Variants in GALNT13 observed in about 807,000 individuals in gnomAD.
The protein encoded by GALNT13 is UDP-GalNAc:polypeptide N-acetylgalactosaminyltransferase 13.
GALNT13 carries 28 observed loss-of-function variants against 64.2 expected under a neutral mutation model. The ratio of observed to expected loss-of-function variants is 0.44; its 90% confidence interval spans 0.32 to 0.60. GALNT13 has a LOEUF of 0.60. GALNT13 is among the 20% of genes least tolerant of loss of function. GALNT13 has a pLI of 0.05. For missense variants in GALNT13, 577 were observed against 669.8 expected (o/e 0.86, Z 1.53); for synonymous variants, 214 against 224.6 (o/e 0.95, Z 0.42).
At chr2:153,129,218 A>G in the GALNT13 span, among the ~76,000 whole-genome samples, 2 of 152,190 alleles carry the variant, frequency 1.3e-5, no homozygotes, top group Non-Finnish European at 2.9e-5. Context: ...AGGAAATGCA[A>G]TCTGGTCTTG....
chr2:154,358,834 G>A (rs1696899294), intron 9 of GALNT13, among the ~76,000 whole-genome samples: 1 of 152,084 alleles, frequency 6.6e-6, no homozygotes, highest in African/African-American at 2.4e-5. Context: ...GAAGAAATGT[G>A]TGACTTGCAT....
At chr2:153,398,237 A>G in the GALNT13 span, among the ~76,000 whole-genome samples, 1 of 151,996 alleles carries the variant, frequency 6.6e-6, no homozygotes, top group Non-Finnish European at 1.5e-5. Flanking sequence ...CCATGTCCCT[A>G]CAAAGGACAT....
chr2:154,292,312 C>T (rs1692691688), intron 8 of GALNT13, among the ~76,000 whole-genome samples: 1 of 151,996 alleles, frequency 6.6e-6, no homozygotes. Context: ...ATTTTAATTT[C>T]CCAAATTGTA....
At chr2:153,596,958 T>C in the GALNT13 span, among the ~76,000 whole-genome samples, 2 of 152,110 alleles carry the variant, frequency 1.3e-5, no homozygotes, top group African/African-American at 4.8e-5. Flanking sequence ...AAATATCTGT[T>C]ATATGGAAAA....
the GALNT13 span, among the ~76,000 whole-genome samples, chr2:153,749,800 A>T: frequency 6.6e-6 from 1 of 151,970 alleles, no homozygotes; most frequent in Admixed American, 6.6e-5. Context: ...GACTTTGTCC[A>T]TTGCAGTTTG....
intron 9 of GALNT13, among the ~76,000 whole-genome samples, chr2:154,336,987 A>G (rs1270611623): frequency 6.6e-6 from 1 of 152,016 alleles, no homozygotes; most frequent in East Asian, 1.9e-4. Flanking sequence ...TTTCAAATAT[A>G]CCATCTCCAA....
At chr2:154,178,157 A>T (rs1206280426) in intron 4 of GALNT13, among the ~76,000 whole-genome samples, 2 of 152,114 alleles carry the variant, frequency 1.3e-5, no homozygotes, top group East Asian at 1.9e-4. Context: ...CACCACTATA[A>T]GTTAGGTGCT....
At chr2:153,894,871 A>T (rs1294036203) in intron 1 of GALNT13, among the ~76,000 whole-genome samples, 1 of 152,130 alleles carries the variant, frequency 6.6e-6, no homozygotes, top group Admixed American at 6.6e-5. Context: ...TGCTGTTCTG[A>T]TCAACCAGCA....
At chr2:154,337,395 TTTA>T (rs1438421139) in intron 9 of GALNT13, among the ~76,000 whole-genome samples, 1 of 152,072 alleles carries the variant, frequency 6.6e-6, no homozygotes, top group Non-Finnish European at 1.5e-5. Flanking sequence ...TTTCAAATAT[TTTA>T]TTTTTTAAAA....
the GALNT13 span, among the ~76,000 whole-genome samples, chr2:153,242,965 G>A: frequency 6.6e-6 from 1 of 152,158 alleles, no homozygotes; most frequent in African/African-American, 2.4e-5. Context: ...TGGGATTATC[G>A]AAAATTACTT....
the GALNT13 span, among the ~76,000 whole-genome samples, chr2:153,454,199 T>C: frequency 6.6e-6 from 1 of 152,098 alleles, no homozygotes; most frequent in Non-Finnish European, 1.5e-5. Context: ...ACAAGATCAA[T>C]TGTACCCCGA....
chr2:153,796,509 A>G, the GALNT13 span, among the ~76,000 whole-genome samples: 1 of 152,248 alleles, frequency 6.6e-6, no homozygotes, highest in South Asian at 2.1e-4. Flanking sequence ...ATCAATTGCC[A>G]TGGTAAATCA....
At chr2:154,269,632 A>G (rs933805928) in intron 8 of GALNT13, among the ~76,000 whole-genome samples, 1 of 151,706 alleles carries the variant, frequency 6.6e-6, no homozygotes, top group African/African-American at 2.4e-5. Flanking sequence ...ACCAATCTTA[A>G]TGATTTGGTT....
the GALNT13 span, among the ~76,000 whole-genome samples, chr2:153,678,156 A>AATATATATATAT: frequency 3.2e-4 from 47 of 145,624 alleles, no homozygotes; most frequent in Admixed American, 9.0e-4. Context: ...CCGACAAATG[A>AATATATATATAT]ATATATATAT....
the GALNT13 span, among the ~76,000 whole-genome samples, chr2:153,485,386 G>C: frequency 6.6e-6 from 1 of 152,022 alleles, no homozygotes; most frequent in Non-Finnish European, 1.5e-5. Context: ...CTCTCATCCA[G>C]AATTTAATTA....
intron 3 of GALNT13, among the ~76,000 whole-genome samples, chr2:153,960,068 T>C (rs1692837510): frequency 6.6e-6 from 1 of 152,196 alleles, no homozygotes; most frequent in Admixed American, 6.5e-5. Context: ...TCTGATCAGC[T>C]CCACTGCCTG....
intron 9 of GALNT13, among the ~76,000 whole-genome samples, chr2:154,350,100 TA>T (rs1696307917): frequency 6.6e-6 from 1 of 152,240 alleles, no homozygotes; most frequent in African/African-American, 2.4e-5. Flanking sequence ...TAGTAGTGTC[TA>T]GTTTATTCAT....
chr2:153,345,700 TTTC>T, the GALNT13 span, among the ~76,000 whole-genome samples: 1 of 140,460 alleles, frequency 7.1e-6, no homozygotes, highest in Non-Finnish European at 1.5e-5. Context: ...TCTTTCTTTC[TTTC>T]TCTTTCTCTC....
At chr2:153,499,065 C>A in the GALNT13 span, among the ~76,000 whole-genome samples, 1 of 152,118 alleles carries the variant, frequency 6.6e-6, no homozygotes, top group Non-Finnish European at 1.5e-5. Context: ...CCAGGATGGT[C>A]TCGATCTGAT....
Sources: allele counts gnomAD v4.1 joint callset (sites outside exome capture counted in the v4.1 genomes callset), GRCh38; gene constraint gnomAD v4.1.1; transcripts MANE v1.5; gene names NCBI Gene and HGNC (gene_info 2026-07-23, HGNC 2026-07-21).